The following CPLX2 variants were observed in gnomAD, a reference collection of about 807,000 sequenced individuals.
CPLX2 encodes the protein complexin 2.
Under a neutral mutation model 16.3 loss-of-function variants are expected in CPLX2, and 5 were observed. The observed-to-expected ratio is 0.31, with a 90% confidence interval of 0.16 to 0.64. The LOEUF is 0.64. Ranked by LOEUF, CPLX2 falls within the 30% of genes least tolerant of loss-of-function variation. CPLX2 has a pLI of 0.79. For missense variants in CPLX2, 144 were observed against 181.4 expected, an observed-to-expected ratio of 0.79 and a Z score of 1.18; for synonymous variants, 89 against 73.2, an observed-to-expected ratio of 1.22 and a Z score of -1.10.
chr5:175,878,636 C>G lies in CPLX2; in HGVS notation c.-88-16C>G. ...GCAGAGGCCTCTCCCATCTGACTCC[C>G]AATTCTCTTCTGCAGGTTGTCACAT... is the stretch of plus-strand genomic sequence containing the variant. On this transcript the variant is annotated splice_polypyrimidine_tract_variant and intron_variant, in intron 1 of 3. Transcript: ENST00000393745. The G allele has an allele frequency of 7.3e-7, 1 of 1,369,370 alleles. No homozygotes were observed. The highest frequency in any genetic ancestry group is 1.0e-6 in the Non-Finnish European group (1 of 982,294). 84.8% of individuals were successfully genotyped at this position (1,369,370 alleles called of 1,614,324 possible). A position where few individuals can be genotyped will look rare whatever the true frequency, so the allele number is the denominator to read the frequency against.
At chr5:175,857,317 C>T (rs1216017565) in intron 2 of CPLX2, among the ~76,000 whole-genome samples, 2 of 152,228 alleles carry the variant, frequency 1.3e-5, no homozygotes, top group Non-Finnish European at 1.5e-5. Flanking sequence ...TGGGACATCC[C>T]TGTCCTGTCT....
chr5:175,869,276 T>A (rs1380673218), upstream of CPLX2, among the ~76,000 whole-genome samples: 2 of 152,192 alleles, frequency 1.3e-5, no homozygotes, highest in Admixed American at 1.3e-4. Flanking sequence ...TGAGACACAG[T>A]TCATGTCAGC....
In CPLX2 at chr5:175,883,865, T is replaced by A. The variant is rs1470908532; in HGVS notation, c.*3820T>A. The A allele has an allele frequency of 1.3e-5, 2 of 152,756 alleles. No individual in the cohort carries two copies. Among genetic ancestry groups the A allele is most frequent in the Non-Finnish European group, 2.9e-5 (2 of 68,168 alleles). The allele number at this position is 152,756 out of a possible 1,614,324, so 9.5% of individuals were successfully genotyped here. A position where few individuals can be genotyped will look rare whatever the true frequency, so the allele number is the denominator to read the frequency against. On this transcript the variant is annotated 3_prime_UTR_variant, in exon 4 of 4. Coordinates refer to ENST00000393745, the MANE Select transcript of CPLX2 (RefSeq NM_001008220.2). ...GCTGTGTCATTGTTGCTCTGCTTCCTTTCAATGTGTCAGTGCCTGGGGGGA... is the reference window on the plus strand; with the variant it reads ...GCTGTGTCATTGTTGCTCTGCTTCCATTCAATGTGTCAGTGCCTGGGGGGA...
Position 175,879,795 on chromosome 5 carries a change from C to T in CPLX2, c.208-53C>T, listed in dbSNP as rs976368939. The T allele has an allele frequency of 5.0e-5, 76 of 1,526,574 alleles. 2 individuals carry two copies. Among genetic ancestry groups the T allele is most frequent in the South Asian group, 2.4e-5 (2 of 84,548 alleles). The allele number at this position is 1,526,574 out of a possible 1,614,324, so 94.6% of individuals were successfully genotyped here. On this transcript the variant is annotated intron_variant, in intron 3 of 3. Coordinates refer to ENST00000393745, the MANE Select transcript of CPLX2 (RefSeq NM_001008220.2). The stretch of plus-strand genomic sequence containing the variant: ...GTGCTGCATGATCATGAGACTCCTG[C>T]TGTCTCCTTGCCCACCCCGCTTCAT...
intron 2 of CPLX2, among the ~76,000 whole-genome samples, chr5:175,826,131 G>C (rs889167659): frequency 2.0e-5 from 3 of 152,056 alleles, no homozygotes; most frequent in Non-Finnish European, 4.4e-5. Context: ...CTGCGATAAA[G>C]GTGTGTGAAG....
chr5:175,832,101 G>A (rs2113658461), intron 2 of CPLX2, among the ~76,000 whole-genome samples: 1 of 152,208 alleles, frequency 6.6e-6, no homozygotes, highest in South Asian at 2.1e-4. Context: ...ATATGTCCTA[G>A]CCACCAAAAA....
chr5:175,875,504 C>T (rs1430031957), intron 1 of CPLX2, among the ~76,000 whole-genome samples: 1 of 152,212 alleles, frequency 6.6e-6, no homozygotes, highest in African/African-American at 2.4e-5. Flanking sequence ...TCTAAAATTT[C>T]AAAGTGCCAT....
chr5:175,870,753 A>C (rs896647010), upstream of CPLX2, among the ~76,000 whole-genome samples: 12 of 152,148 alleles, frequency 7.9e-5, no homozygotes, highest in Non-Finnish European at 1.8e-4. Context: ...TTCTAGAATA[A>C]ATTTTGCCAG....
At position 175,845,453 on chromosome 5, in the gene CPLX2, C is replaced by T. The variant is rs1244586861; in HGVS notation, c.-88-33199C>T. On this transcript the variant is annotated intron_variant, in intron 2 of 4. Coordinates refer to the CPLX2 transcript ENST00000359546. The surrounding 1 kb of genome is among the most constrained non-coding windows in gnomAD (Gnocchi z 4.0). ...TCTTTCCTGCCACAGGCCCTTTGCA[C>T]CTGCTTTTGCTCTCCTTGGCAGATT... is the stretch of plus-strand genomic sequence containing the variant. 6.6e-6 allele frequency among the ~76,000 whole-genome samples: 1 copy of T among 152,218 alleles called. No individual in the cohort carries two copies. Among genetic ancestry groups the T allele is most frequent in the Non-Finnish European group, 1.5e-5 (1 of 68,036 alleles).
At chr5:175,820,286 T>A (rs1219618712) in intron 2 of CPLX2, among the ~76,000 whole-genome samples, 1 of 152,222 alleles carries the variant, frequency 6.6e-6, no homozygotes, top group African/African-American at 2.4e-5. Context: ...CCTGGCGTCA[T>A]GAGCCCTTAG....
intron 2 of CPLX2, among the ~76,000 whole-genome samples, chr5:175,826,517 A>G (rs769362946): frequency 2.6e-5 from 4 of 152,218 alleles, no homozygotes; most frequent in Non-Finnish European, 4.4e-5. Flanking sequence ...GATGTTCCCA[A>G]GCAAAAGCGA....
intron 2 of CPLX2, among the ~76,000 whole-genome samples, chr5:175,865,581 T>C (rs1759459268): frequency 6.6e-6 from 1 of 152,232 alleles, no homozygotes; most frequent in South Asian, 2.1e-4. Context: ...CTGAGATTCA[T>C]AGAATTTAAG....
rs1244586861 is a variant in CPLX2, at chr5:175,845,453, C to A, written c.-88-33199C>A. On this transcript the variant is annotated intron_variant, in intron 2 of 4. Transcript: ENST00000359546. The surrounding 1 kb of genome is among the most constrained non-coding windows in gnomAD (Gnocchi z 4.0). ...TCTTTCCTGCCACAGGCCCTTTGCACCTGCTTTTGCTCTCCTTGGCAGATT... is the reference window on the plus strand; with the variant it reads ...TCTTTCCTGCCACAGGCCCTTTGCAACTGCTTTTGCTCTCCTTGGCAGATT... Among the ~76,000 whole-genome samples, 1 of 152,218 alleles carries A rather than the reference C, an allele frequency of 6.6e-6. No individual in the cohort carries two copies. The highest frequency in any genetic ancestry group is 2.4e-5 in the African/African-American group (1 of 41,458).
intron 2 of CPLX2, among the ~76,000 whole-genome samples, chr5:175,857,791 C>T (rs1322084850): frequency 6.6e-6 from 1 of 152,220 alleles, no homozygotes; most frequent in African/African-American, 2.4e-5. Flanking sequence ...CCACCAGAAA[C>T]TCCCCATTAG....
chr5:175,842,450 C>T (rs1758962135), intron 2 of CPLX2, among the ~76,000 whole-genome samples: 1 of 152,172 alleles, frequency 6.6e-6, no homozygotes, highest in Non-Finnish European at 1.5e-5. Flanking sequence ...GACTGCAAAC[C>T]CCACACTCTT....
intron 1 of CPLX2, among the ~76,000 whole-genome samples, chr5:175,798,453 A>T (rs961422806): frequency 6.6e-6 from 1 of 152,222 alleles, no homozygotes; most frequent in Non-Finnish European, 1.5e-5. Context: ...GCAATATGTT[A>T]TGATAAGTAT....
At chr5:175,797,169 C>T (rs1025998457) in intron 1 of CPLX2, among the ~76,000 whole-genome samples, 2 of 152,214 alleles carry the variant, frequency 1.3e-5, no homozygotes, top group African/African-American at 4.8e-5. Context: ...GCGGACAGCT[C>T]TCTCCGGCGG....
intron 1 of CPLX2, among the ~76,000 whole-genome samples, chr5:175,878,004 C>T (rs1025159735): frequency 2.0e-5 from 3 of 152,118 alleles, no homozygotes; most frequent in Non-Finnish European, 1.5e-5. Context: ...AAATAAAAAT[C>T]GATATTAAGC....
intron 1 of CPLX2, among the ~76,000 whole-genome samples, chr5:175,800,486 A>AG (rs1165383732): frequency 2.0e-5 from 1 of 50,398 alleles, no homozygotes; most frequent in East Asian, 7.7e-4. Flanking sequence ...CTCTGTCTCC[A>AG]GAAAAAAAAA....
Sources: allele counts gnomAD v4.1 joint callset (sites outside exome capture counted in the v4.1 genomes callset), GRCh38; gene constraint gnomAD v4.1.1; non-coding constraint Gnocchi (gnomAD v3.1); transcripts MANE v1.5; gene names NCBI Gene and HGNC (gene_info 2026-07-23, HGNC 2026-07-21).